The following RORA variants were observed in gnomAD, a reference collection of about 807,000 sequenced individuals.
RORA encodes the protein nuclear receptor ROR-alpha.
A neutral mutation model predicts 69.5 loss-of-function variants in RORA; 7 were observed. The observed-to-expected ratio is 0.10, with a 90% CI of 0.06 to 0.19. The LOEUF is 0.19. Ranked by LOEUF, RORA falls within the 10% of genes least tolerant of loss-of-function variation. The probability of loss-of-function intolerance (pLI) is 1.00; values close to 1 mark genes in which losing one functional copy is unlikely to be tolerated. For synonymous variants in RORA, 261 were observed against 240.8 expected (o/e 1.08, Z -0.78); for missense variants, 457 against 663.0 (o/e 0.69, Z 3.41).
At chr15:60,840,572 T>C (rs754722079) in intron 1 of RORA, among the ~76,000 whole-genome samples, 4 of 152,222 alleles carry the variant, frequency 2.6e-5, no homozygotes, top group African/African-American at 4.8e-5. Flanking sequence ...GAGTCCCATT[T>C]AGAAAAGAAT....
At chr15:60,786,930 G>T (rs1231865972) in intron 1 of RORA, among the ~76,000 whole-genome samples, 1 of 152,244 alleles carries the variant, frequency 6.6e-6, no homozygotes, top group East Asian at 1.9e-4. Flanking sequence ...TGATCACAGA[G>T]TGAGAACCAT....
At chr15:60,555,726 C>T (rs978842329) in intron 2 of RORA, among the ~76,000 whole-genome samples, 6 of 151,002 alleles carry the variant, frequency 4.0e-5, no homozygotes, top group Admixed American at 2.0e-4. Flanking sequence ...GTGGCTGAAA[C>T]GGAAAAAAAA....
chr15:60,734,167 A>G (rs948170781), intron 1 of RORA, among the ~76,000 whole-genome samples: 15 of 152,140 alleles, frequency 9.9e-5, no homozygotes, highest in Non-Finnish European at 2.1e-4. Context: ...TGTTCATTCA[A>G]TGTGACCCCT....
intron 1 of RORA, among the ~76,000 whole-genome samples, chr15:61,070,017 T>C (rs1426582007): frequency 6.6e-6 from 1 of 152,222 alleles, no homozygotes; most frequent in Non-Finnish European, 1.5e-5. Context: ...AGTATGTTTA[T>C]TTTTTCTTCT....
intron 3 of RORA, among the ~76,000 whole-genome samples, chr15:60,518,102 G>A (rs530121219): frequency 1.3e-5 from 2 of 152,222 alleles, no homozygotes; most frequent in South Asian, 2.1e-4. Context: ...GGGCTCAAGC[G>A]GTCCTCCCAC....
At chr15:60,709,685 T>A (rs113731315) in intron 1 of RORA, among the ~76,000 whole-genome samples, 3 of 151,852 alleles carry the variant, frequency 2.0e-5, no homozygotes, top group African/African-American at 7.2e-5. Context: ...CACCCCCATA[T>A]GGGACCATCT....
intron 1 of RORA, among the ~76,000 whole-genome samples, chr15:61,028,976 G>A (rs1340794316): frequency 6.6e-6 from 1 of 152,226 alleles, no homozygotes; most frequent in East Asian, 1.9e-4. Flanking sequence ...GTATGATGGG[G>A]AGTGAGTGCT....
intron 1 of RORA, among the ~76,000 whole-genome samples, chr15:61,171,842 A>G (rs2079588006): frequency 6.6e-6 from 1 of 152,212 alleles, no homozygotes. Flanking sequence ...GCAGCTGGGG[A>G]GAGGAACGAT....
At chr15:61,054,316 GAAAA>G (rs71429587) in intron 1 of RORA, among the ~76,000 whole-genome samples, 1 of 144,676 alleles carries the variant, frequency 6.9e-6, no homozygotes, top group African/African-American at 2.6e-5. Context: ...TTCATTTTCT[GAAAA>G]AAAAAAAAAA....
chr15:60,624,026 T>A (rs2069494400), intron 2 of RORA, among the ~76,000 whole-genome samples: 1 of 150,122 alleles, frequency 6.7e-6, no homozygotes, highest in South Asian at 2.1e-4. Context: ...AGGTGGAGAG[T>A]AGGGGGTGGG....
chr15:61,023,203 A>AAC lies in RORA; in HGVS notation c.166+205849_166+205850insGT, dbSNP rs1566947446. Among the ~76,000 whole-genome samples, 5 of 146,088 alleles carry AAC rather than the reference A, an allele frequency of 3.4e-5. No homozygotes were observed. The South Asian group carries it at 1.1e-3, about 32-fold the overall frequency. On this transcript the variant is annotated intron_variant, in intron 1 of 10. Coordinates refer to ENST00000335670, the MANE Select transcript of RORA (RefSeq NM_134261.3). ...ACTCTGCCTCAAAAAAAAAAAAAAA[A>AAC]AAAAAAAACTGACAAAACTTGTATT...
intron 1 of RORA, among the ~76,000 whole-genome samples, chr15:60,893,250 C>T (rs1029327527): frequency 2.0e-5 from 3 of 152,204 alleles, no homozygotes; most frequent in African/African-American, 7.2e-5. Flanking sequence ...ACCCCCTATC[C>T]CAGGATGCTC....
chr15:60,837,264 A>G (rs547290811), intron 1 of RORA, among the ~76,000 whole-genome samples: 13 of 152,128 alleles, frequency 8.5e-5, no homozygotes, highest in African/African-American at 2.9e-4. Flanking sequence ...TTTCTTTCCC[A>G]TATTTCCTAT....
intron 2 of RORA, among the ~76,000 whole-genome samples, chr15:60,599,502 G>T (rs1239154289): frequency 2.0e-5 from 3 of 152,230 alleles, no homozygotes; most frequent in African/African-American, 7.2e-5. Flanking sequence ...AGTGAGCTGA[G>T]ATCGTGTCAC....
chr15:61,040,613 C>T (rs960824676), intron 1 of RORA, among the ~76,000 whole-genome samples: 6 of 151,814 alleles, frequency 4.0e-5, no homozygotes, highest in African/African-American at 1.5e-4. Context: ...CTAGGTAGAC[C>T]GTACACCCTA....
At chr15:60,979,282 T>A (rs1017286749) in intron 1 of RORA, among the ~76,000 whole-genome samples, 71 of 145,596 alleles carry the variant, frequency 4.9e-4, no homozygotes, top group African/African-American at 1.5e-3. Context: ...TTTTTTTTTT[T>A]TTTTTTTTTC....
At chr15:60,841,624 G>A (rs1006044411) in intron 1 of RORA, among the ~76,000 whole-genome samples, 1 of 152,144 alleles carries the variant, frequency 6.6e-6, no homozygotes, top group Non-Finnish European at 1.5e-5. Flanking sequence ...TTCCTCCCTC[G>A]CAAAGGGAGT....
chr15:60,808,994 G>C (rs1215174184), intron 1 of RORA, among the ~76,000 whole-genome samples: 1 of 152,070 alleles, frequency 6.6e-6, no homozygotes, highest in African/African-American at 2.4e-5. Context: ...GCATAAGAAT[G>C]ACACATTGGA....
chr15:60,954,462 C>T (rs1301007818), intron 1 of RORA, among the ~76,000 whole-genome samples: 1 of 151,656 alleles, frequency 6.6e-6, no homozygotes, highest in East Asian at 1.9e-4. Context: ...AAAGAACTTC[C>T]CATAAATGTG....
Sources: allele counts gnomAD v4.1 joint callset (sites outside exome capture counted in the v4.1 genomes callset), GRCh38; gene constraint gnomAD v4.1.1; transcripts MANE v1.5; gene names NCBI Gene and HGNC (gene_info 2026-07-23, HGNC 2026-07-21).